Variants in ANO6 observed in about 807,000 individuals in gnomAD.
The protein encoded by ANO6 is anoctamin 6, also known as anoctamin-6.
A neutral mutation model predicts 117.5 loss-of-function variants in ANO6; 106 were observed. That is an observed-to-expected ratio of 0.90 (90% CI 0.77 to 1.06). ANO6 has a LOEUF of 1.06. ANO6 is among the 50% of genes least tolerant of loss of function. The pLI, the probability that ANO6 is intolerant of heterozygous loss-of-function variation, is 0.00. For synonymous variants in ANO6, 367 were observed against 385.1 expected (o/e 0.95, Z 0.55); for missense variants, 955 against 1,121.1 (o/e 0.85, Z 2.12).
chr12:45,367,730 G>A lies in ANO6; in HGVS notation c.1041G>A (p.Met347Ile). 6.2e-7 allele frequency: 1 copy of A among 1,613,588 alleles called. No individual in the cohort carries two copies. The highest frequency in any genetic ancestry group is 1.1e-5 in the South Asian group (1 of 90,988). ...CTGATATTGGTGGCAAGATCATAAT[G>A]TGTCCTCAGTGTGATAGGCTTTGTC... is the stretch of plus-strand genomic sequence containing the variant. The part of the protein sequence containing the change: ...CHPDIGGKII[M>I]CPQCDRLCPF... The change falls in exon 9 of 20, where the codon ATG becomes ATA. Residue 347 changes from methionine (M) to isoleucine (I), a missense_variant. Met to Ile is a conservative substitution (Grantham distance 10). Coordinates refer to ENST00000320560, the MANE Select transcript of ANO6 (RefSeq NM_001025356.3).
At chr12:45,397,373 C>A (rs1157228563) in intron 12 of ANO6, among the ~76,000 whole-genome samples, 7 of 152,140 alleles carry the variant, frequency 4.6e-5, no homozygotes, top group African/African-American at 1.7e-4. Context: ...AATAGGAATG[C>A]TTTTACACTG....
At chr12:45,342,442 T>C (rs928033156) in intron 3 of ANO6, among the ~76,000 whole-genome samples, 5 of 152,228 alleles carry the variant, frequency 3.3e-5, no homozygotes, top group Non-Finnish European at 7.3e-5. Flanking sequence ...ATTCAAATTC[T>C]GAAGCGTCCA....
At chr12:45,412,175 C>G (rs1429026686) in intron 16 of ANO6, among the ~76,000 whole-genome samples, 1 of 152,166 alleles carries the variant, frequency 6.6e-6, no homozygotes, top group African/African-American at 2.4e-5. Context: ...AGACACAGAA[C>G]ATAATAAACG....
intron 3 of ANO6, among the ~76,000 whole-genome samples, chr12:45,336,227 T>C (rs537640626): frequency 1.3e-5 from 2 of 152,164 alleles, no homozygotes; most frequent in Admixed American, 1.3e-4. Flanking sequence ...TTTTCTTATA[T>C]CTATTGAGGT....
chr12:45,404,750 A>AT (rs1942888299), intron 15 of ANO6, among the ~76,000 whole-genome samples: 1 of 151,786 alleles, frequency 6.6e-6, no homozygotes. Flanking sequence ...TACCTTTATA[A>AT]AAAGTCTTTT....
intron 1 of ANO6, among the ~76,000 whole-genome samples, chr12:45,284,167 T>G (rs1035223437): frequency 6.6e-6 from 1 of 152,212 alleles, no homozygotes; most frequent in Non-Finnish European, 1.5e-5. Flanking sequence ...GGGTCTGATC[T>G]AATGCGAATA....
At chr12:45,235,005 T>C (rs1947625339) in intron 1 of ANO6, among the ~76,000 whole-genome samples, 1 of 152,196 alleles carries the variant, frequency 6.6e-6, no homozygotes, top group Non-Finnish European at 1.5e-5. Context: ...CTTTCAGTTC[T>C]AATAATTTGG....
intron 2 of ANO6, among the ~76,000 whole-genome samples, chr12:45,319,347 G>T (rs11504502): frequency 2.6e-5 from 4 of 152,280 alleles, no homozygotes; most frequent in South Asian, 2.1e-4. Context: ...TTTTGTCGAA[G>T]GCCTTTTCTG....
chr12:45,348,048 A>G lies in ANO6; in HGVS notation c.366A>G (p.Val122=). Residue 122 remains valine, a synonymous_variant, in exon 5 of 20, where the codon GTA becomes GTG. Transcript: ENST00000320560. ...TATAGGTATTGGATGACAAGCTTGT[A>G]TTTGTAAAAGTACACGCACCATGGG... ...ATRSVLDDKL[V]FVKVHAPWEV... 2 of 1,613,964 alleles carry G rather than the reference A, an allele frequency of 1.2e-6. No homozygotes were observed. Among genetic ancestry groups the G allele is most frequent in the South Asian group, 1.1e-5 (1 of 91,076 alleles).
At chr12:45,271,738 A>G (rs1015626) in intron 1 of ANO6, among the ~76,000 whole-genome samples, 119,525 of 152,100 alleles carry the variant, frequency 0.79, 49,853 homozygotes, top group Non-Finnish European at 0.94. Context: ...TTAGCCTACA[A>G]GTGGCCAGGA....
At chr12:45,296,979 T>C (rs896415886) in intron 1 of ANO6, among the ~76,000 whole-genome samples, 19 of 152,222 alleles carry the variant, frequency 1.2e-4, no homozygotes, top group African/African-American at 4.6e-4. Flanking sequence ...TGAATTGTCA[T>C]TTATATCTTT....
intron 4 of ANO6, among the ~76,000 whole-genome samples, chr12:45,347,730 ATAAT>A (rs1443443270): frequency 6.6e-6 from 1 of 152,198 alleles, no homozygotes; most frequent in African/African-American, 2.4e-5. Context: ...CTTTAAGTCA[ATAAT>A]TAGGGTAGAG....
In ANO6 at chr12:45,425,404, G is replaced by T. The variant is rs572044862; in HGVS notation, c.2526+2342G>T. Among the ~76,000 whole-genome samples the T allele has an allele frequency of 1.1e-3, 166 of 152,284 alleles. 1 individual carries two copies. The highest frequency in any genetic ancestry group is 7.9e-4 in the Non-Finnish European group (54 of 68,020). Reference sequence around the variant, plus strand: ...GTTCACAGATCAGAAAGCATGACATGCATCAAACAGAATAAAGAAATCCAC... The same window carrying T: ...GTTCACAGATCAGAAAGCATGACATTCATCAAACAGAATAAAGAAATCCAC... On this transcript the variant is annotated intron_variant, in intron 19 of 19. Transcript: ENST00000320560.
At position 45,378,124 on chromosome 12, in the gene ANO6, T is replaced by A. The variant is rs761808658; in HGVS notation, c.1165+11T>A. ...TTATGGGAGTATGGGGTAAGTTTTTTTTTTTTTTTTCATGCACTCAATTTG... is the reference window on the plus strand; with the variant it reads ...TTATGGGAGTATGGGGTAAGTTTTTATTTTTTTTTTCATGCACTCAATTTG... On this transcript the variant is annotated intron_variant, in intron 10 of 19. Transcript: ENST00000320560. The A allele has an allele frequency of 6.2e-7, 1 of 1,607,982 alleles. No individual in the cohort carries two copies. Among genetic ancestry groups the A allele is most frequent in the South Asian group, 1.1e-5 (1 of 89,678 alleles).
intron 1 of ANO6, among the ~76,000 whole-genome samples, chr12:45,235,951 T>TG (rs1947638434): frequency 1.3e-5 from 2 of 152,200 alleles, no homozygotes; most frequent in African/African-American, 4.8e-5. Context: ...CAGCCTCCAG[T>TG]GCCCCTTCCG....
chr12:45,281,760 A>G (rs1386059810), intron 1 of ANO6, among the ~76,000 whole-genome samples: 11 of 152,202 alleles, frequency 7.2e-5, no homozygotes, highest in Non-Finnish European at 1.6e-4. Flanking sequence ...CAGAAATAAC[A>G]TCTGTTTGTT....
rs987171753 is a variant in ANO6, at chr12:45,431,932, C to T, written c.*2621C>T. The T allele has an allele frequency of 2.1e-5, 21 of 985,026 alleles. No individual in the cohort carries two copies. Among genetic ancestry groups the T allele is most frequent in the Middle Eastern group, 5.2e-4 (1 of 1,936 alleles). The allele number at this position is 985,026 out of a possible 1,614,324, so 61.0% of individuals were successfully genotyped here. A position where few individuals can be genotyped will look rare whatever the true frequency, so the allele number is the denominator to read the frequency against. ...CTCAGGGGATTTTTCATTAAACATC[C>T]CTCAGATAATTTAGCTATATATCAT... On this transcript the variant is annotated 3_prime_UTR_variant, in exon 20 of 20. Coordinates refer to ENST00000320560, the MANE Select transcript of ANO6 (RefSeq NM_001025356.3).
chr12:45,272,306 T>C (rs888684623), intron 1 of ANO6, among the ~76,000 whole-genome samples: 3 of 151,928 alleles, frequency 2.0e-5, no homozygotes, highest in African/African-American at 7.3e-5. Context: ...ATTCTGGAAG[T>C]GAAGAGAAGG....
At chr12:45,323,755 A>G (rs751311457) in intron 2 of ANO6, among the ~76,000 whole-genome samples, 5 of 152,140 alleles carry the variant, frequency 3.3e-5, no homozygotes, top group Admixed American at 2.0e-4. Context: ...TCTGCCAGAT[A>G]CCAAAGTCTG....
Sources: allele counts gnomAD v4.1 joint callset (sites outside exome capture counted in the v4.1 genomes callset), GRCh38; gene constraint gnomAD v4.1.1; transcripts MANE v1.5; gene names NCBI Gene and HGNC (gene_info 2026-07-23, HGNC 2026-07-21).